PAK2: variants seen among roughly 807,000 people sequenced by gnomAD.
PAK2 encodes serine/threonine-protein kinase PAK 2.
Under a neutral mutation model 65.9 loss-of-function variants are expected in PAK2, and 21 were observed. The observed-to-expected ratio is 0.32, with a 90% CI of 0.23 to 0.46. The LOEUF (loss-of-function observed/expected upper bound fraction) is 0.46, where lower values mean the gene tolerates loss of function less well. Among genes scored for constraint, PAK2 ranks in the 20% least tolerant of loss-of-function variants. The pLI is 1.00. For missense variants in PAK2, 324 were observed against 642.6 expected, an observed-to-expected ratio of 0.50 and a Z score of 5.36; for synonymous variants, 204 against 219.7, an observed-to-expected ratio of 0.93 and a Z score of 0.63.
At chr3:196,749,800 C>T (rs923650659) in intron 1 of PAK2, among the ~76,000 whole-genome samples, 11 of 150,604 alleles carry the variant, frequency 7.3e-5, no homozygotes, top group African/African-American at 2.4e-4. Context: ...TTACCCATTC[C>T]AATAGGTAGT....
rs1001276484 is a variant in PAK2, at chr3:196,791,933, A to AG, written c.187+9100_187+9101insG. ...GAGCGAGACTCCGTCAAAAAAAAAA[A>AG]AAAAGAAATAGAATTCCTGGGCTCA... On this transcript the variant is annotated intron_variant, in intron 2 of 14. Transcript: ENST00000327134. The surrounding 1 kb of genome is among the most constrained non-coding windows in gnomAD (Gnocchi z 4.0). Among the ~76,000 whole-genome samples the AG allele has an allele frequency of 6.6e-6, 1 of 151,960 alleles. No individual in the cohort carries two copies. The highest frequency in any genetic ancestry group is 1.5e-5 in the Non-Finnish European group (1 of 67,956).
chr3:196,797,520 G>A (rs775119726), intron 2 of PAK2, among the ~76,000 whole-genome samples: 6 of 151,842 alleles, frequency 4.0e-5, no homozygotes, highest in Middle Eastern at 6.3e-3. Flanking sequence ...TTGCGAGGCC[G>A]AAGTGGGTGG....
At chr3:196,826,385 G>A (rs1177292864) in intron 13 of PAK2, among the ~76,000 whole-genome samples, 1 of 151,510 alleles carries the variant, frequency 6.6e-6, no homozygotes, top group Non-Finnish European at 1.5e-5. Flanking sequence ...TGTTAGTCAG[G>A]ATGCTCTCAA....
intron 1 of PAK2, among the ~76,000 whole-genome samples, chr3:196,741,055 T>G (rs1018551518): frequency 6.6e-6 from 1 of 152,238 alleles, no homozygotes; most frequent in Non-Finnish European, 1.5e-5. Flanking sequence ...CCGGTTGATA[T>G]CATTATCTCA....
chr3:196,783,579 C>CAA (rs11417269), intron 2 of PAK2, among the ~76,000 whole-genome samples: 6,724 of 114,732 alleles, frequency 0.059, 253 homozygotes, highest in Admixed American at 0.13. Context: ...GAGACTCTCT[C>CAA]AAAAAAAAAA....
At chr3:196,752,701 G>A (rs762798986) in intron 1 of PAK2, among the ~76,000 whole-genome samples, 3 of 152,012 alleles carry the variant, frequency 2.0e-5, no homozygotes, top group Non-Finnish European at 4.4e-5. Context: ...CCTGGTTCAA[G>A]CAATTTTCCT....
chr3:196,781,275 G>T (rs60762956), intron 1 of PAK2, among the ~76,000 whole-genome samples: 20,387 of 152,130 alleles, frequency 0.13, 1,701 homozygotes, highest in East Asian at 0.44. Context: ...CATGTTTAGT[G>T]GGAAAATATG....
At chr3:196,784,731 G>T (rs796639975) in intron 2 of PAK2, among the ~76,000 whole-genome samples, 19 of 149,988 alleles carry the variant, frequency 1.3e-4, no homozygotes, top group African/African-American at 3.7e-4. Flanking sequence ...TAGTCATTTG[G>T]GTATATACCC....
chr3:196,778,200 T>A (rs1030574497), intron 1 of PAK2, among the ~76,000 whole-genome samples: 12 of 152,164 alleles, frequency 7.9e-5, no homozygotes, highest in African/African-American at 2.7e-4. Flanking sequence ...TGTTCGAGGG[T>A]CATCCATGTT....
In PAK2 at chr3:196,751,667, TTATATACATA is replaced by T. The variant is rs1713593574; in HGVS notation, c.-22+11517_-22+11526del. On this transcript the variant is annotated intron_variant, in intron 1 of 14. Coordinates refer to ENST00000327134, the MANE Select transcript of PAK2 (RefSeq NM_002577.4). ...CCCCCCAAAAAACACACAAATTTAT[TTATATACATA>T]TATATATATATATATATAATTCAGG... is the stretch of plus-strand genomic sequence containing the variant. 4.4e-5 allele frequency among the ~76,000 whole-genome samples: 2 copies of T among 45,108 alleles called. 1 individual carries two copies. Among genetic ancestry groups the T allele is most frequent in the African/African-American group, 2.0e-4 (2 of 10,050 alleles). The allele number at this position is 45,108 out of a possible 152,430, so 29.6% of individuals were successfully genotyped here. A position where few individuals can be genotyped will look rare whatever the true frequency, so the allele number is the denominator to read the frequency against.
Position 196,814,505 on chromosome 3 carries a change from A to C in PAK2, c.990A>C (p.Ser330=), listed in dbSNP as rs772673684. ...TCATGGAATACCTTGCTGGGGGGTC[A>C]CTCACTGATGTGGTAACAGAAACGT... ...FVVMEYLAGG[S]LTDVVTETCM... Residue 330 remains serine, a synonymous_variant, in exon 11 of 15, where the codon TCA becomes TCC. Transcript: ENST00000327134. 1.3e-6 allele frequency: 2 copies of C among 1,563,720 alleles called. No individual in the cohort carries two copies. The highest frequency in any genetic ancestry group is 1.8e-6 in the Non-Finnish European group (2 of 1,139,848).
chr3:196,815,386 C>G (rs34209563), intron 11 of PAK2, among the ~76,000 whole-genome samples: 16 of 149,540 alleles, frequency 1.1e-4, no homozygotes, highest in South Asian at 2.1e-4. Context: ...CAGCTACTCG[C>G]GAGGCTGAGG....
At chr3:196,787,362 C>T (rs755703697) in intron 2 of PAK2, among the ~76,000 whole-genome samples, 14 of 151,890 alleles carry the variant, frequency 9.2e-5, no homozygotes, top group Middle Eastern at 3.4e-3. Context: ...CGGCAGATCA[C>T]GAGGTCAGGA....
At chr3:196,811,908 ATTAT>A (rs1715840317) in intron 8 of PAK2, among the ~76,000 whole-genome samples, 3 of 152,098 alleles carry the variant, frequency 2.0e-5, no homozygotes, top group African/African-American at 7.2e-5. Flanking sequence ...GAATCTTCAA[ATTAT>A]TTACAGTTAT....
At chr3:196,759,489 GTTTTTTTTGTTTTTTTTTTTTTTTTTTT>G (rs1447875373) in intron 1 of PAK2, among the ~76,000 whole-genome samples, 1 of 98,854 alleles carries the variant, frequency 1.0e-5, no homozygotes. Context: ...CAGTTAAGTG[GTTTTTTTTGTTTTTTTTTTTTTTTTTTT>G]TTTTTTTTTT....
intron 12 of PAK2, among the ~76,000 whole-genome samples, chr3:196,819,705 A>G (rs1463139196): frequency 1.3e-5 from 2 of 152,224 alleles, no homozygotes; most frequent in African/African-American, 4.8e-5. Flanking sequence ...CTTTTCCACT[A>G]AATGAACATT....
At chr3:196,762,241 C>T (rs1338289537) in intron 1 of PAK2, among the ~76,000 whole-genome samples, 1 of 110,044 alleles carries the variant, frequency 9.1e-6, no homozygotes, top group Admixed American at 8.6e-5. Context: ...GGGCTCCTCA[C>T]ATCCCAGACG....
intron 11 of PAK2, among the ~76,000 whole-genome samples, chr3:196,817,155 A>AT (rs1560117016): frequency 1.6e-5 from 2 of 127,538 alleles, no homozygotes; most frequent in Non-Finnish European, 3.3e-5. Flanking sequence ...TGAAAGAGGC[A>AT]ATTTTTTTTT....
intron 1 of PAK2, among the ~76,000 whole-genome samples, chr3:196,769,814 C>T (rs1714304706): frequency 7.0e-6 from 1 of 143,132 alleles, no homozygotes; most frequent in Non-Finnish European, 1.5e-5. Flanking sequence ...GAGACTCTGT[C>T]TCAAAAAAGA....
Sources: allele counts gnomAD v4.1 joint callset (sites outside exome capture counted in the v4.1 genomes callset), GRCh38; gene constraint gnomAD v4.1.1; non-coding constraint Gnocchi (gnomAD v3.1); transcripts MANE v1.5; gene names NCBI Gene and HGNC (gene_info 2026-07-23, HGNC 2026-07-21).